MSH4: variants seen among roughly 807,000 people sequenced by gnomAD.
MSH4 encodes mutS protein homolog 4.
A neutral mutation model predicts 113.7 loss-of-function variants in MSH4; 106 were observed. The ratio of observed to expected loss-of-function variants is 0.93; its 90% confidence interval spans 0.80 to 1.10. The LOEUF (loss-of-function observed/expected upper bound fraction) is 1.10, where lower values mean the gene tolerates loss of function less well. Ranked by LOEUF, MSH4 falls within the 50% of genes least tolerant of loss-of-function variation. The probability of loss-of-function intolerance (pLI) is 0.00; values close to 1 mark genes in which losing one functional copy is unlikely to be tolerated. For synonymous variants in MSH4, 368 were observed against 380.2 expected (o/e 0.97, Z 0.37); for missense variants, 1,061 against 1,093.7 (o/e 0.97, Z 0.42).
At chr1:75,835,479 C>T (rs1650808008) in intron 7 of MSH4, among the ~76,000 whole-genome samples, 2 of 152,256 alleles carry the variant, frequency 1.3e-5, no homozygotes, top group South Asian at 4.2e-4. Context: ...TGGTCAAGCT[C>T]CAACCATTGA....
intron 6 of MSH4, among the ~76,000 whole-genome samples, chr1:75,820,451 G>C (rs1230817164): frequency 2.0e-5 from 3 of 152,156 alleles, no homozygotes; most frequent in African/African-American, 7.2e-5. Context: ...TCTGGTCCTG[G>C]ACATTTTTTG....
chr1:75,905,243 A>G (rs912689099), intron 19 of MSH4, among the ~76,000 whole-genome samples: 2 of 147,364 alleles, frequency 1.4e-5, no homozygotes, highest in African/African-American at 5.0e-5. Flanking sequence ...AGATTTTAGT[A>G]TGTCATGTAT....
intron 1 of MSH4, among the ~76,000 whole-genome samples, chr1:75,797,660 G>A (rs1649847211): frequency 6.6e-6 from 1 of 152,160 alleles, no homozygotes; most frequent in African/African-American, 2.4e-5. Context: ...TGGGCTGGGC[G>A]GTGGCTGACG....
chr1:75,883,401 G>T (rs1651978199), intron 14 of MSH4, among the ~76,000 whole-genome samples: 1 of 151,820 alleles, frequency 6.6e-6, no homozygotes. Context: ...AAATTCTAGA[G>T]TTCTCTAGAA....
At chr1:75,910,342 G>T (rs1652762655) in intron 19 of MSH4, among the ~76,000 whole-genome samples, 1 of 151,750 alleles carries the variant, frequency 6.6e-6, no homozygotes, top group African/African-American at 2.4e-5. Context: ...GCCCTCTCTT[G>T]GCTATGTGGA....
chr1:75,899,660 T>C lies in MSH4; in HGVS notation c.2573T>C (p.Val858Ala). The C allele has an allele frequency of 6.6e-7, 1 of 1,516,752 alleles. No individual in the cohort carries two copies. Among genetic ancestry groups the C allele is most frequent in the Non-Finnish European group, 8.8e-7 (1 of 1,140,562 alleles). The allele number at this position is 1,516,752 out of a possible 1,614,324, so 94.0% of individuals were successfully genotyped here. ...GTGTCATCACTTCCACCATCAATTG[T>C]CTTGGATGCCAAGGAAATCACAACT... ...AEVSSLPPSI[V>A]LDAKEITTQI... The change falls in exon 19 of 20, where the codon GTC (valine) becomes GCC (alanine). Residue 858 changes from valine (V) to alanine (A), a missense_variant. Transcript: ENST00000263187.
At chr1:75,898,123 A>T (rs1162426243) in intron 18 of MSH4, 42 bp downstream of exon 18, 1 of 1,305,434 alleles carries the variant, frequency 7.7e-7, no homozygotes, top group Non-Finnish European at 1.0e-6. Context: ...CAAATACTAT[A>T]TATTCTCCTA....
intron 1 of MSH4, among the ~76,000 whole-genome samples, chr1:75,799,034 T>G (rs1440873435): frequency 6.6e-6 from 1 of 152,200 alleles, no homozygotes; most frequent in African/African-American, 2.4e-5. Context: ...TTCTAATCTT[T>G]ACAGATTTAT....
intron 19 of MSH4, among the ~76,000 whole-genome samples, chr1:75,903,303 T>A (rs1376769852): frequency 6.6e-6 from 1 of 151,954 alleles, no homozygotes; most frequent in Non-Finnish European, 1.5e-5. Context: ...GAAGAGACTG[T>A]CTTCTTGGTA....
In MSH4 at chr1:75,797,182, G is replaced by A; in HGVS notation, c.197G>A (p.Ser66Asn). ...GGAGCTGCGGGCGACCGGAGCAGCA[G>A]CAGCAGCAGCCTTCCCTGCCCCGCG... ...TSGAAGDRSSSSSSLPCPAPN... is the reference protein window; with the variant it reads ...TSGAAGDRSSNSSSLPCPAPN... Residue 66 changes from serine to asparagine, a missense_variant, in exon 1 of 20, where the codon AGC (serine) becomes AAC (asparagine). Ser to Asn is a conservative substitution (Grantham distance 46). Coordinates refer to ENST00000263187, the MANE Select transcript of MSH4 (RefSeq NM_002440.4). 1 of 1,609,764 alleles carries A rather than the reference G, an allele frequency of 6.2e-7. No individual in the cohort carries two copies. The highest frequency in any genetic ancestry group is 8.5e-7 in the Non-Finnish European group (1 of 1,178,210).
Position 75,822,442 on chromosome 1 carries a change from T to C in MSH4, c.1023T>C (p.Tyr341=). 1 of 1,574,254 alleles carries C rather than the reference T, an allele frequency of 6.4e-7. No individual in the cohort carries two copies. The highest frequency in any genetic ancestry group is 1.2e-5 in the South Asian group (1 of 83,836). Residue 341 remains tyrosine, a synonymous_variant, in exon 7 of 20, where the codon TAT becomes TAC. Transcript: ENST00000263187. ...NNHTLFGVLN[Y]TKTPGGSRRL... ...ACACTCTCTTTGGTGTTCTAAATTA[T>C]ACTAAGACTCCTGGAGGGAGTAGAC...
At chr1:75,911,139 G>C (rs1343811002) in intron 19 of MSH4, among the ~76,000 whole-genome samples, 1 of 151,062 alleles carries the variant, frequency 6.6e-6, no homozygotes, top group Non-Finnish European at 1.5e-5. Context: ...CTGTGGCTCA[G>C]GGATTTGCCT....
intron 16 of MSH4, among the ~76,000 whole-genome samples, chr1:75,889,584 A>T (rs1652205067): frequency 6.6e-6 from 1 of 152,190 alleles, no homozygotes; most frequent in South Asian, 2.1e-4. Context: ...AGAAAGAGCT[A>T]GCATTATTAA....
chr1:75,885,047 G>GTATATATATATATATATA (rs1223601707), intron 15 of MSH4, among the ~76,000 whole-genome samples: 1 of 108,950 alleles, frequency 9.2e-6, no homozygotes, highest in African/African-American at 4.5e-5. Context: ...GTGTGTGTGT[G>GTATATATATATATATATA]TGTGTGTGTG....
At chr1:75,895,683 T>G (rs544035299) in intron 17 of MSH4, among the ~76,000 whole-genome samples, 1 of 152,310 alleles carries the variant, frequency 6.6e-6, no homozygotes, top group South Asian at 2.1e-4. Context: ...GTCATATTAT[T>G]TAAGTATTGC....
chr1:75,873,322 A>T (rs1052855425), intron 9 of MSH4, among the ~76,000 whole-genome samples: 2 of 152,164 alleles, frequency 1.3e-5, no homozygotes, highest in Non-Finnish European at 2.9e-5. Flanking sequence ...TTTCACCTAA[A>T]TGTGACTTCA....
intron 3 of MSH4, 73 bp from the exon 4 acceptor site, chr1:75,810,624 C>A: frequency 3.2e-6 from 2 of 621,290 alleles, no homozygotes; most frequent in Non-Finnish European, 5.3e-6. Context: ...ATTTTAAATA[C>A]TTATCTCAGA....
chr1:75,803,954 C>T (rs748382213), intron 2 of MSH4, 41 bp downstream of exon 2: 1 of 1,339,278 alleles, frequency 7.5e-7, no homozygotes, highest in Admixed American at 2.9e-5. Flanking sequence ...TGTTTTGAAA[C>T]TTAAAAGTTT....
intron 14 of MSH4, among the ~76,000 whole-genome samples, 197 bp downstream of exon 14, chr1:75,881,567 A>G (rs991386552): frequency 6.6e-6 from 1 of 152,056 alleles, no homozygotes; most frequent in African/African-American, 2.4e-5. Context: ...TTATTCTCTC[A>G]GAAATTGGCA....
Sources: gnomAD v4.1 joint callset for allele counts (sites outside exome capture counted in the v4.1 genomes callset) on GRCh38, gnomAD v4.1.1 for gene constraint, MANE v1.5 for transcripts, NCBI Gene and HGNC (gene_info 2026-07-23, HGNC 2026-07-21) for gene names.